Variants in ULK4 observed in about 807,000 individuals in gnomAD.
ULK4 encodes the protein unc-51 like kinase 4.
In ULK4, 133 loss-of-function variants were observed where a neutral mutation model predicts 160.6. That is an observed-to-expected ratio of 0.83 (90% CI 0.72 to 0.96). ULK4 has a LOEUF of 0.96. Among genes scored for constraint, ULK4 ranks in the 40% least tolerant of loss-of-function variants. ULK4 has a pLI of 0.00. For synonymous variants in ULK4, 534 were observed against 539.8 expected (o/e 0.99, Z 0.15); for missense variants, 1,580 against 1,499.5 (o/e 1.05, Z -0.89).
chr3:41,256,164 GA>G (rs755628244), intron 35 of ULK4, among the ~76,000 whole-genome samples: 1 of 152,176 alleles, frequency 6.6e-6, no homozygotes, highest in Non-Finnish European at 1.5e-5. Context: ...AATCTCAGCA[GA>G]AATCTTTGTA....
At chr3:41,900,338 C>T (rs1698307590) in intron 13 of ULK4, among the ~76,000 whole-genome samples, 1 of 151,974 alleles carries the variant, frequency 6.6e-6, no homozygotes, top group South Asian at 2.1e-4. Context: ...CTTGTGCCTT[C>T]GAAATACATC....
intron 30 of ULK4, among the ~76,000 whole-genome samples, chr3:41,652,962 T>C (rs911760415): frequency 5.3e-5 from 8 of 152,304 alleles, no homozygotes; most frequent in Middle Eastern, 3.4e-3. Flanking sequence ...ATTTTCCTAA[T>C]GTATAAAATG....
At chr3:41,497,421 A>G (rs1302558137) in intron 32 of ULK4, among the ~76,000 whole-genome samples, 1 of 152,110 alleles carries the variant, frequency 6.6e-6, no homozygotes, top group African/African-American at 2.4e-5. Flanking sequence ...ATATATCTAT[A>G]TACATAATAA....
At chr3:41,829,498 T>A (rs371633583) in intron 18 of ULK4, among the ~76,000 whole-genome samples, 57 of 152,002 alleles carry the variant, frequency 3.7e-4, no homozygotes, top group African/African-American at 9.6e-4. Flanking sequence ...ATGAACAGAC[T>A]CTTCTCAAAA....
intron 22 of ULK4, among the ~76,000 whole-genome samples, chr3:41,730,308 T>C (rs1043924623): frequency 6.6e-6 from 1 of 152,028 alleles, no homozygotes; most frequent in Middle Eastern, 3.2e-3. Flanking sequence ...CAGAAATAAA[T>C]GAAATGGAGA....
chr3:41,256,488 G>A (rs1559489977), intron 35 of ULK4, among the ~76,000 whole-genome samples: 1 of 152,310 alleles, frequency 6.6e-6, no homozygotes, highest in East Asian at 1.9e-4. Flanking sequence ...AAGGAGGGAA[G>A]AACAGTGTTT....
chr3:41,922,280 G>C (rs1699211907), intron 5 of ULK4, among the ~76,000 whole-genome samples: 1 of 152,178 alleles, frequency 6.6e-6, no homozygotes, highest in African/African-American at 2.4e-5. Context: ...TTGAGGCCTG[G>C]AGTTCGACAC....
chr3:41,464,461 A>G (rs9822652), intron 32 of ULK4, among the ~76,000 whole-genome samples: 4,349 of 152,178 alleles, frequency 0.029, 218 homozygotes, highest in African/African-American at 0.1. Flanking sequence ...AGAATGAATT[A>G]CCGTCAAAAT....
chr3:41,891,519 T>TTAGTA (rs1697966103), intron 16 of ULK4, among the ~76,000 whole-genome samples: 1 of 146,156 alleles, frequency 6.8e-6, no homozygotes, highest in Non-Finnish European at 1.5e-5. Flanking sequence ...TACCCACAAG[T>TTAGTA]CCTACAGAAC....
intron 35 of ULK4, among the ~76,000 whole-genome samples, chr3:41,270,784 G>T (rs1559497691): frequency 1.3e-5 from 2 of 152,136 alleles, no homozygotes; most frequent in East Asian, 3.9e-4. Context: ...ACCTTCCATG[G>T]AGTAATTAAA....
intron 34 of ULK4, among the ~76,000 whole-genome samples, chr3:41,411,467 G>T (rs1219299649): frequency 2.1e-5 from 3 of 143,224 alleles, no homozygotes; most frequent in Admixed American, 7.3e-5. Context: ...TCACTCTGTC[G>T]CCCAGGCTGG....
At chr3:41,314,587 T>C (rs570745311) in intron 35 of ULK4, among the ~76,000 whole-genome samples, 1 of 152,374 alleles carries the variant, frequency 6.6e-6, no homozygotes, top group South Asian at 2.1e-4. Flanking sequence ...ATTACCTTAA[T>C]AGCATAAGAA....
chr3:41,908,927 T>G (rs927321937), intron 11 of ULK4, among the ~76,000 whole-genome samples: 1 of 151,796 alleles, frequency 6.6e-6, no homozygotes, highest in African/African-American at 2.4e-5. Context: ...ACCCCATCCC[T>G]ACTAAAAATA....
At chr3:41,325,915 T>C (rs1273841545) in intron 35 of ULK4, among the ~76,000 whole-genome samples, 1 of 151,822 alleles carries the variant, frequency 6.6e-6, no homozygotes, top group Non-Finnish European at 1.5e-5. Flanking sequence ...CGAGACTCCA[T>C]CTCAAAATAA....
rs373333367 is a variant in ULK4 at position 41,424,291 on chromosome 3, G to A, written c.3493-26027C>T. On this transcript the variant is annotated intron_variant, in intron 34 of 36. Coordinates refer to ENST00000301831, the MANE Select transcript of ULK4 (RefSeq NM_017886.4). Reference sequence around the variant, plus strand: ...ATCTCCCTGGGACTGAGCCCCTGGGGGGAGGGGCAGCCATGGTCTTTTAGG... The same window carrying A: ...ATCTCCCTGGGACTGAGCCCCTGGGAGGAGGGGCAGCCATGGTCTTTTAGG... 2.0e-3 allele frequency among the ~76,000 whole-genome samples: 302 copies of A among 152,334 alleles called. 2 individuals carry two copies. The highest frequency in any genetic ancestry group is 6.9e-3 in the African/African-American group (286 of 41,580).
chr3:41,497,474 T>C (rs1447578150), intron 32 of ULK4, among the ~76,000 whole-genome samples: 2 of 152,080 alleles, frequency 1.3e-5, no homozygotes, highest in Non-Finnish European at 2.9e-5. Flanking sequence ...GAAAAAATAT[T>C]TTTAAGAAAT....
Position 41,903,760 on chromosome 3 carries a change from A to G in ULK4, c.1183-2931T>C, listed in dbSNP as rs530176823. On this transcript the variant is annotated intron_variant, in intron 12 of 36. Transcript: ENST00000301831. ...ATGTTCAGGAATAAACTAAATGATC[A>G]ATAATTGCAATCAGATCATAATCAT... Among the ~76,000 whole-genome samples the G allele has an allele frequency of 2.3e-4, 35 of 152,338 alleles. No homozygotes were observed. The Middle Eastern group carries it at 0.017, about 74-fold the overall frequency.
intron 29 of ULK4, among the ~76,000 whole-genome samples, chr3:41,675,488 G>A (rs1053192507): frequency 8.5e-5 from 13 of 152,192 alleles, no homozygotes; most frequent in East Asian, 3.9e-4. Context: ...TACTCAGGAG[G>A]CTGAGGCAGG....
In ULK4 at chr3:41,912,791, G is replaced by A. The variant is rs776507100; in HGVS notation, c.896+16C>T. The A allele has an allele frequency of 3.1e-6, 5 of 1,603,212 alleles. No homozygotes were observed. In the Admixed American group the frequency reaches 5.0e-5, roughly 16 times the overall value. ...CCAGTAACTATGTCCCATACACAAA[G>A]GTAAGTGTATACTACCTGAGACTGA... On this transcript the variant is annotated intron_variant, in intron 9 of 36. Transcript: ENST00000301831.
Sources: gnomAD v4.1 joint callset for allele counts (sites outside exome capture counted in the v4.1 genomes callset) on GRCh38, gnomAD v4.1.1 for gene constraint, MANE v1.5 for transcripts, NCBI Gene and HGNC (gene_info 2026-07-23, HGNC 2026-07-21) for gene names.